FSHR: variants seen among roughly 807,000 people sequenced by gnomAD.
The protein encoded by FSHR is follicle-stimulating hormone receptor.
In FSHR, 46 loss-of-function variants were observed where a neutral mutation model predicts 52.1. That is an observed-to-expected ratio of 0.88 (90% CI 0.70 to 1.13). The LOEUF (loss-of-function observed/expected upper bound fraction) is 1.13, where lower values mean the gene tolerates loss of function less well. FSHR is among the 50% of genes most tolerant of loss of function. The pLI is 0.00. For synonymous variants in FSHR, 399 were observed against 309.6 expected, an observed-to-expected ratio of 1.29 and a Z score of -3.03; for missense variants, 964 against 834.6, an observed-to-expected ratio of 1.16 and a Z score of -1.91.
chr2:49,010,856 T>C (rs1248051432), intron 4 of FSHR, among the ~76,000 whole-genome samples: 2 of 152,210 alleles, frequency 1.3e-5, no homozygotes, highest in Non-Finnish European at 2.9e-5. Context: ...TTTGTATTTC[T>C]GTGGGATCGG....
At chr2:48,979,750 T>C (rs2104050319) in intron 8 of FSHR, among the ~76,000 whole-genome samples, 1 of 152,204 alleles carries the variant, frequency 6.6e-6, no homozygotes, top group African/African-American at 2.4e-5. Flanking sequence ...GGGTTCCCTG[T>C]ACATTCTGAG....
At position 49,093,707 on chromosome 2, in the gene FSHR, G is replaced by A. The variant is rs572765194; in HGVS notation, c.153-25417C>T. Among the ~76,000 whole-genome samples, 15 of 149,162 alleles carry A rather than the reference G, an allele frequency of 1.0e-4. 1 individual carries two copies. The South Asian group carries it at 1.1e-3, about 11-fold the overall frequency. ...CCTCCCGGGTTCAAGCGATCCTCCCGCCTCAGCCACCCAAGCAGCTAGGAT... is the reference window on the plus strand; with the variant it reads ...CCTCCCGGGTTCAAGCGATCCTCCCACCTCAGCCACCCAAGCAGCTAGGAT... On this transcript the variant is annotated intron_variant, in intron 1 of 9. Transcript: ENST00000406846.
intron 1 of FSHR, among the ~76,000 whole-genome samples, chr2:49,142,210 G>T (rs528804206): frequency 3.9e-5 from 6 of 152,098 alleles, no homozygotes; most frequent in African/African-American, 9.7e-5. Context: ...TTCTAGTGGT[G>T]GGGAGGAAAG....
intron 4 of FSHR, among the ~76,000 whole-genome samples, chr2:49,011,826 C>A (rs542808626): frequency 6.6e-6 from 1 of 152,036 alleles, no homozygotes; most frequent in African/African-American, 2.4e-5. Flanking sequence ...GTCCCCTTGC[C>A]GTGCTACCTC....
At chr2:49,052,266 C>G (rs1668887658) in intron 2 of FSHR, among the ~76,000 whole-genome samples, 1 of 143,548 alleles carries the variant, frequency 7.0e-6, no homozygotes, top group African/African-American at 2.9e-5. Flanking sequence ...CTATCAGGTA[C>G]TAATATGACC....
At chr2:48,992,017 A>AT (rs1233863389) in intron 4 of FSHR, among the ~76,000 whole-genome samples, 10 of 150,870 alleles carry the variant, frequency 6.6e-5, no homozygotes, top group South Asian at 4.2e-4. Context: ...TGGTTCTCAA[A>AT]TTTTTTTTTC....
At chr2:49,073,435 A>T (rs1167682675) in intron 1 of FSHR, among the ~76,000 whole-genome samples, 2 of 152,082 alleles carry the variant, frequency 1.3e-5, no homozygotes, top group African/African-American at 4.8e-5. Flanking sequence ...AGAGAATTCA[A>T]GAAGGCAACC....
chr2:48,973,937 C>A (rs540638842), intron 8 of FSHR, among the ~76,000 whole-genome samples: 1 of 151,822 alleles, frequency 6.6e-6, no homozygotes, highest in Non-Finnish European at 1.5e-5. Context: ...GCCCTGAGAG[C>A]AGGCTTTTGT....
chr2:49,091,050 C>T (rs1349076540), intron 1 of FSHR, among the ~76,000 whole-genome samples: 2 of 151,262 alleles, frequency 1.3e-5, no homozygotes, highest in African/African-American at 4.9e-5. Flanking sequence ...ATATTATCTC[C>T]CTATCTGTAG....
intron 1 of FSHR, among the ~76,000 whole-genome samples, chr2:49,078,284 A>T (rs1479318082): frequency 6.6e-6 from 1 of 152,158 alleles, no homozygotes; most frequent in African/African-American, 2.4e-5. Flanking sequence ...TCCTCTTTTT[A>T]AAACCATCCG....
Position 48,962,923 on chromosome 2 carries a change from A to G in FSHR, c.1898T>C (p.Phe633Ser), listed in dbSNP as rs1186965207. ...CAGCAGAATGAAGAAATCTCTGCGA[A>G]AGTTTTTGGTAAAGATGGCATAGAG... ...PFLYAIFTKN[F>S]RRDFFILLSK... Residue 633 changes from phenylalanine to serine, a missense_variant, in exon 10 of 10, where the codon TTT becomes TCT. Phe to Ser is a radical substitution (Grantham distance 155). Transcript: ENST00000406846. The G allele has an allele frequency of 6.2e-7, 1 of 1,614,134 alleles. No homozygotes were observed. Among genetic ancestry groups the G allele is most frequent in the Non-Finnish European group, 8.5e-7 (1 of 1,180,004 alleles).
chr2:48,995,633 G>T (rs1420966751), intron 4 of FSHR, among the ~76,000 whole-genome samples: 1 of 152,124 alleles, frequency 6.6e-6, no homozygotes, highest in Non-Finnish European at 1.5e-5. Flanking sequence ...TTATGGGGCT[G>T]CAAGGGGAAG....
chr2:49,007,216 A>G (rs1226704250), intron 4 of FSHR, among the ~76,000 whole-genome samples: 1 of 152,080 alleles, frequency 6.6e-6, no homozygotes, highest in Non-Finnish European at 1.5e-5. Context: ...GCTAAGCACG[A>G]AAAGTATAAG....
chr2:49,041,887 C>A (rs940545975), intron 2 of FSHR, among the ~76,000 whole-genome samples: 1 of 152,128 alleles, frequency 6.6e-6, no homozygotes, highest in African/African-American at 2.4e-5. Flanking sequence ...TGGCTCATGC[C>A]TTTTATCTTA....
chr2:49,121,006 G>T (rs936716773), intron 1 of FSHR, among the ~76,000 whole-genome samples: 5 of 152,226 alleles, frequency 3.3e-5, no homozygotes, highest in African/African-American at 1.2e-4. Flanking sequence ...GTCCTGTAGA[G>T]ACTTTCAGAT....
Position 49,026,347 on chromosome 2 carries a change from G to A in FSHR, c.225-6187C>T, listed in dbSNP as rs140122021. On this transcript the variant is annotated intron_variant, in intron 2 of 9. Transcript: ENST00000406846. ...ATGAGCAAAGGGACTAAAAATCACA[G>A]TCATAATAGCTAACGTTTATTAAGC... Among the ~76,000 whole-genome samples the A allele has an allele frequency of 4.4e-4, 67 of 152,250 alleles. 5 individuals are homozygous for A. The East Asian group carries it at 7.5e-3, about 17-fold the overall frequency.
chr2:49,121,923 T>C lies in FSHR; in HGVS notation c.152+32343A>G, dbSNP rs189637131. Among the ~76,000 whole-genome samples, 26 of 152,234 alleles carry C rather than the reference T, an allele frequency of 1.7e-4. No homozygotes were observed. The East Asian group carries it at 4.4e-3, about 26-fold the overall frequency. On this transcript the variant is annotated intron_variant, in intron 1 of 9. Coordinates refer to ENST00000406846, the MANE Select transcript of FSHR (RefSeq NM_000145.4). ...TTCTTTTGACAGGATGTTTTTCCAGTTATTTATTTATTTGAGAAAATTGTC... is the reference window on the plus strand; with the variant it reads ...TTCTTTTGACAGGATGTTTTTCCAGCTATTTATTTATTTGAGAAAATTGTC...
At chr2:49,090,362 C>G (rs1181004093) in intron 1 of FSHR, among the ~76,000 whole-genome samples, 2 of 152,148 alleles carry the variant, frequency 1.3e-5, no homozygotes, top group Non-Finnish European at 2.9e-5. Flanking sequence ...CATATAAATG[C>G]TATCATACAG....
chr2:49,020,026 A>G, intron 3 of FSHR, 60 bp downstream of exon 3: 2 of 1,404,664 alleles, frequency 1.4e-6, no homozygotes, highest in Non-Finnish European at 1.0e-6. Flanking sequence ...GGAATGTAGA[A>G]GAACTTTAAG....
Sources: gnomAD v4.1 joint callset for allele counts (sites outside exome capture counted in the v4.1 genomes callset) on GRCh38, gnomAD v4.1.1 for gene constraint, MANE v1.5 for transcripts, NCBI Gene and HGNC (gene_info 2026-07-23, HGNC 2026-07-21) for gene names.